The following PCDH15 variants were observed in gnomAD, a reference collection of about 807,000 sequenced individuals.
The protein encoded by PCDH15 is protocadherin related 15, also known as protocadherin-15.
PCDH15 carries 129 observed loss-of-function variants against 178.5 expected under a neutral mutation model. The ratio of observed to expected loss-of-function variants is 0.72; its 90% confidence interval spans 0.63 to 0.84. The LOEUF (loss-of-function observed/expected upper bound fraction) is 0.84, where lower values mean the gene tolerates loss of function less well. Among genes scored for constraint, PCDH15 ranks in the 40% least tolerant of loss-of-function variants. The pLI is 0.00. For synonymous variants in PCDH15, 800 were observed against 732.0 expected, an observed-to-expected ratio of 1.09 and a Z score of -1.50; for missense variants, 2,230 against 2,099.9, an observed-to-expected ratio of 1.06 and a Z score of -1.21.
At chr10:55,251,194 C>A (rs1367590741) in intron 1 of PCDH15, among the ~76,000 whole-genome samples, 1 of 151,928 alleles carries the variant, frequency 6.6e-6, no homozygotes, top group Admixed American at 6.6e-5. Flanking sequence ...CTCATTTGTG[C>A]TTGTGCTTGT....
chr10:54,761,400 AG>A (rs1282750468), intron 1 of PCDH15, among the ~76,000 whole-genome samples: 1 of 152,054 alleles, frequency 6.6e-6, no homozygotes, highest in East Asian at 1.9e-4. Flanking sequence ...ACAGGTAAGT[AG>A]CTGGGCGCAG....
At chr10:54,912,603 T>A (rs1259057375) in intron 2 of PCDH15, among the ~76,000 whole-genome samples, 1 of 152,186 alleles carries the variant, frequency 6.6e-6, no homozygotes, top group African/African-American at 2.4e-5. Context: ...CAGTGGGGAC[T>A]CAGGAAGTTC....
intron 25 of PCDH15, among the ~76,000 whole-genome samples, chr10:53,922,942 C>T (rs1458760549): frequency 2.6e-5 from 4 of 151,910 alleles, no homozygotes; most frequent in Admixed American, 1.3e-4. Flanking sequence ...AAAAAATAAG[C>T]CGGGCATGGT....
intron 35 of PCDH15, among the ~76,000 whole-genome samples, chr10:53,814,245 C>A (rs1038530998): frequency 6.6e-6 from 1 of 151,990 alleles, no homozygotes. Flanking sequence ...AAAATAACTT[C>A]AAACAGTTTT....
rs1156516572 is a variant in PCDH15, at chr10:54,404,649, C to T, written c.158-25707G>A. ...TGCAACAAAAGTAGAATTTGACAAA[C>T]GGGATCTAATTAAGCTAAACAGGTT... On this transcript the variant is annotated intron_variant, in intron 3 of 37. Coordinates refer to ENST00000644397, the MANE Select transcript of PCDH15 (RefSeq NM_001384140.1). 4.0e-5 allele frequency among the ~76,000 whole-genome samples: 6 copies of T among 151,892 alleles called. No individual in the cohort carries two copies. The South Asian group carries it at 6.2e-4, about 16-fold the overall frequency.
At chr10:54,775,764 A>G (rs947224633) in intron 1 of PCDH15, among the ~76,000 whole-genome samples, 1 of 152,138 alleles carries the variant, frequency 6.6e-6, no homozygotes, top group African/African-American at 2.4e-5. Context: ...GGGCGCCTGT[A>G]GTCCCAGCTA....
chr10:54,032,681 A>C (rs2093326364), intron 18 of PCDH15, among the ~76,000 whole-genome samples: 1 of 152,088 alleles, frequency 6.6e-6, no homozygotes, highest in South Asian at 2.1e-4. Flanking sequence ...ACTACTTATT[A>C]AACTTTGTCC....
intron 2 of PCDH15, among the ~76,000 whole-genome samples, chr10:55,621,102 G>A (rs1843581993): frequency 6.6e-6 from 1 of 151,842 alleles, no homozygotes; most frequent in African/African-American, 2.4e-5. Flanking sequence ...TCACAACATT[G>A]CTAAACTCAA....
At chr10:53,841,913 C>T (rs1430697206) in intron 28 of PCDH15, among the ~76,000 whole-genome samples, 1 of 148,542 alleles carries the variant, frequency 6.7e-6, no homozygotes, top group African/African-American at 2.5e-5. Context: ...GTGACTCCAG[C>T]CTGGGCGACA....
intron 18 of PCDH15, among the ~76,000 whole-genome samples, chr10:54,063,683 G>A (rs2094078044): frequency 6.6e-6 from 1 of 152,128 alleles, no homozygotes; most frequent in Admixed American, 6.6e-5. Flanking sequence ...TCATGCTACT[G>A]GGCTAAATCC....
At chr10:54,183,246 C>G (rs549985120) in intron 13 of PCDH15, among the ~76,000 whole-genome samples, 198 bp downstream of exon 13, 4 of 152,336 alleles carry the variant, frequency 2.6e-5, no homozygotes, top group African/African-American at 9.6e-5. Flanking sequence ...GCTGGGATTA[C>G]AGGCGTGAGC....
At chr10:54,493,136 C>A (rs1487231186) in intron 3 of PCDH15, among the ~76,000 whole-genome samples, 2 of 152,076 alleles carry the variant, frequency 1.3e-5, no homozygotes, top group East Asian at 1.9e-4. Context: ...CATGGGAATT[C>A]AAGATGAGAT....
intron 3 of PCDH15, among the ~76,000 whole-genome samples, chr10:54,856,248 C>T (rs1038110195): frequency 6.6e-5 from 10 of 152,114 alleles, no homozygotes; most frequent in South Asian, 6.2e-4. Context: ...GTGACAAACA[C>T]GAAACAGAAA....
intron 2 of PCDH15, among the ~76,000 whole-genome samples, chr10:54,533,009 T>C (rs933599619): frequency 1.3e-5 from 2 of 152,204 alleles, no homozygotes; most frequent in Non-Finnish European, 2.9e-5. Context: ...CCTGAGGTAC[T>C]GGGCTAGCAG....
At chr10:54,087,710 A>G (rs1024286739) in intron 16 of PCDH15, among the ~76,000 whole-genome samples, 3 of 152,182 alleles carry the variant, frequency 2.0e-5, no homozygotes, top group Admixed American at 1.3e-4. Flanking sequence ...ATTTGGAGAA[A>G]AGGCCAGTTC....
At chr10:54,387,673 T>G (rs1694169796) in intron 3 of PCDH15, among the ~76,000 whole-genome samples, 1 of 152,190 alleles carries the variant, frequency 6.6e-6, no homozygotes, top group Non-Finnish European at 1.5e-5. Context: ...TTCATTATGC[T>G]TGCTTCCTTG....
intron 3 of PCDH15, among the ~76,000 whole-genome samples, chr10:54,817,045 A>C (rs1375219831): frequency 6.6e-6 from 1 of 152,046 alleles, no homozygotes; most frequent in African/African-American, 2.4e-5. Flanking sequence ...CCTTAGTTAT[A>C]ATTTATGCCA....
chr10:55,496,787 G>A (rs1565196514), intron 2 of PCDH15, among the ~76,000 whole-genome samples: 1 of 151,846 alleles, frequency 6.6e-6, no homozygotes, highest in Non-Finnish European at 1.5e-5. Flanking sequence ...AAAGCCAAAT[G>A]TGAAAGACGA....
At chr10:54,586,653 C>T (rs780537901) in intron 2 of PCDH15, among the ~76,000 whole-genome samples, 1 of 152,158 alleles carries the variant, frequency 6.6e-6, no homozygotes, top group East Asian at 1.9e-4. Context: ...TTTACAGGTA[C>T]TCCTCAATTT....
Sources: allele counts gnomAD v4.1 joint callset (sites outside exome capture counted in the v4.1 genomes callset), GRCh38; gene constraint gnomAD v4.1.1; transcripts MANE v1.5; gene names NCBI Gene and HGNC (gene_info 2026-07-23, HGNC 2026-07-21).